The following REPS1 variants were observed in gnomAD, a reference collection of about 807,000 sequenced individuals.
The protein encoded by REPS1 is ralBP1-associated Eps domain-containing protein 1.
A neutral mutation model predicts 100.9 loss-of-function variants in REPS1; 39 were observed. That is an observed-to-expected ratio of 0.39 (90% CI 0.30 to 0.50). The LOEUF (loss-of-function observed/expected upper bound fraction) is 0.50. REPS1 is among the 20% of genes least tolerant of loss of function. REPS1 has a pLI of 0.86. For missense variants in REPS1, 821 were observed against 968.5 expected, an observed-to-expected ratio of 0.85 and a Z score of 2.02; for synonymous variants, 324 against 340.3, an observed-to-expected ratio of 0.95 and a Z score of 0.53.
chr6:138,977,871 T>G (rs1435024673), intron 1 of REPS1, among the ~76,000 whole-genome samples: 2 of 152,232 alleles, frequency 1.3e-5, no homozygotes, highest in South Asian at 4.1e-4. Flanking sequence ...AAGAAGTGCC[T>G]AAGGGTTCCA....
In REPS1 at chr6:138,945,142, G is replaced by A. The variant is rs1782523733; in HGVS notation, c.628+77C>T. The A allele has an allele frequency of 3.9e-6, 5 of 1,292,182 alleles. No individual in the cohort carries two copies. In the East Asian group the frequency reaches 1.3e-4, roughly 34 times the overall value. 80.0% of individuals were successfully genotyped at this position (1,292,182 alleles called of 1,614,324 possible). A position where few individuals can be genotyped will look rare whatever the true frequency, so the allele number is the denominator to read the frequency against. The stretch of plus-strand genomic sequence containing the variant: ...CCACCTACTCAGGAGGCTGAGGCAG[G>A]AGGATCATTTGAACCCAGGAGTGCA... On this transcript the variant is annotated intron_variant, in intron 4 of 19. Coordinates refer to ENST00000450536, the MANE Select transcript of REPS1 (RefSeq NM_001286611.2).
chr6:138,977,953 G>A (rs866241007), intron 1 of REPS1, among the ~76,000 whole-genome samples: 3 of 152,316 alleles, frequency 2.0e-5, no homozygotes, highest in Non-Finnish European at 4.4e-5. Flanking sequence ...GTGTGTGATA[G>A]TATATCACTG....
At chr6:138,908,613 T>C in intron 18 of REPS1, 55 bp downstream of exon 18, 1 of 1,594,676 alleles carries the variant, frequency 6.3e-7, no homozygotes, top group Non-Finnish European at 8.6e-7. Flanking sequence ...TTACTTTTAA[T>C]TGTCGTGCTT....
intron 10 of REPS1, 25 bp from the exon 11 acceptor site, chr6:138,921,149 A>T: frequency 6.9e-7 from 1 of 1,456,600 alleles, no homozygotes; most frequent in Non-Finnish European, 9.5e-7. Flanking sequence ...GAGGAAATAA[A>T]GAATTTGTAT....
In REPS1 at chr6:138,987,784, T is replaced by A. The variant is rs771595594; in HGVS notation, c.-102A>T. The stretch of plus-strand genomic sequence containing the variant: ...GGCTGCGCGTGGCCCGGCCTCCTGC[T>A]AGCTTCCCGAAAACGCCGGCCCCGG... On this transcript the variant is annotated 5_prime_UTR_variant, in exon 1 of 20. Transcript: ENST00000450536. 126 of 1,330,486 alleles carry A rather than the reference T, an allele frequency of 9.5e-5. 1 individual carries two copies. The highest frequency in any genetic ancestry group is 1.1e-4 in the Non-Finnish European group (116 of 1,029,842). 82.4% of individuals were successfully genotyped at this position (1,330,486 alleles called of 1,614,324 possible). A position where few individuals can be genotyped will look rare whatever the true frequency, so the allele number is the denominator to read the frequency against.
chr6:138,935,748 G>T (rs888135772), intron 8 of REPS1, among the ~76,000 whole-genome samples: 15 of 151,202 alleles, frequency 9.9e-5, no homozygotes, highest in African/African-American at 3.7e-4. Flanking sequence ...CAGCTACTCG[G>T]GAGGCTGAGG....
chr6:138,907,340 G>GTGTGTGTGTGT (rs1562506396), intron 19 of REPS1, 155 bp downstream of exon 19: 2,157 of 488,932 alleles, frequency 4.4e-3, no homozygotes, highest in Admixed American at 6.0e-3. Context: ...GTGTGTGTGT[G>GTGTGTGTGTGT]GCGGGGAGGG....
chr6:138,925,357 G>T (rs1781039548), intron 10 of REPS1, among the ~76,000 whole-genome samples: 1 of 151,966 alleles, frequency 6.6e-6, no homozygotes. Context: ...AAAGAGAGAG[G>T]CTCCAACTCA....
At chr6:138,978,825 A>G (rs928667362) in intron 1 of REPS1, among the ~76,000 whole-genome samples, 1 of 152,158 alleles carries the variant, frequency 6.6e-6, no homozygotes, top group East Asian at 1.9e-4. Context: ...TCTATATTCC[A>G]CCCACTAAAT....
intron 10 of REPS1, among the ~76,000 whole-genome samples, chr6:138,922,006 A>T (rs1002449782): frequency 1.6e-4 from 19 of 115,820 alleles, no homozygotes; most frequent in Middle Eastern, 4.2e-3. Flanking sequence ...TGTGTGTGTG[A>T]GATTTACATT....
At position 138,986,731 on chromosome 6, in the gene REPS1, C is replaced by A. The variant is rs577840105; in HGVS notation, c.153+799G>T. 2.6e-5 allele frequency among the ~76,000 whole-genome samples: 4 copies of A among 152,198 alleles called. No homozygotes were observed. In the South Asian group the frequency reaches 8.3e-4, roughly 32 times the overall value. Reference sequence around the variant, plus strand: ...TTAAACAGAGTAGCATTAATGCTCACCACATACATTAGATAAGAACTTCTA... The same window carrying A: ...TTAAACAGAGTAGCATTAATGCTCAACACATACATTAGATAAGAACTTCTA... On this transcript the variant is annotated intron_variant, in intron 1 of 19. Transcript: ENST00000450536.
chr6:138,926,731 A>C, intron 9 of REPS1: 1 of 367,738 alleles, frequency 2.7e-6, no homozygotes, highest in Non-Finnish European at 5.0e-6. Context: ...AGAGATTTAA[A>C]GCCTTACAGA....
chr6:138,972,233 CG>C (rs2128503035), intron 1 of REPS1, among the ~76,000 whole-genome samples: 1 of 151,710 alleles, frequency 6.6e-6, no homozygotes, highest in Admixed American at 6.6e-5. Flanking sequence ...AAAAGGGGGG[CG>C]GAATAAGCAC....
intron 1 of REPS1, among the ~76,000 whole-genome samples, chr6:138,970,682 G>A (rs1784296500): frequency 6.6e-6 from 1 of 152,196 alleles, no homozygotes; most frequent in African/African-American, 2.4e-5. Flanking sequence ...TACTCGGGAG[G>A]CTGAGGTGGG....
intron 16 of REPS1, 176 bp downstream of exon 16, chr6:138,912,589 C>T: frequency 1.6e-6 from 1 of 636,894 alleles, no homozygotes; most frequent in African/African-American, 1.9e-5. Flanking sequence ...GACTCTGATA[C>T]TTAGTAAGCA....
chr6:138,940,485 G>A (rs967328531), intron 8 of REPS1, among the ~76,000 whole-genome samples: 2 of 152,006 alleles, frequency 1.3e-5, no homozygotes, highest in Non-Finnish European at 1.5e-5. Flanking sequence ...GGTGGCTCAC[G>A]CCTGTAATCC....
intron 1 of REPS1, among the ~76,000 whole-genome samples, chr6:138,968,960 C>A (rs192630629): frequency 6.6e-6 from 1 of 152,186 alleles, no homozygotes; most frequent in African/African-American, 2.4e-5. Flanking sequence ...ACACATCTCA[C>A]TCTTTGGGGA....
At chr6:138,935,813 C>A (rs377712521) in intron 8 of REPS1, among the ~76,000 whole-genome samples, 2 of 131,562 alleles carry the variant, frequency 1.5e-5, no homozygotes, top group East Asian at 2.2e-4. Context: ...AAGATCACAC[C>A]GCAGCACTCC....
intron 7 of REPS1, among the ~76,000 whole-genome samples, chr6:138,941,942 G>A (rs1318668111): frequency 6.6e-6 from 1 of 152,046 alleles, no homozygotes; most frequent in Non-Finnish European, 1.5e-5. Flanking sequence ...GCAGTGGCAC[G>A]ATCTCGGCCC....
Sources: allele counts gnomAD v4.1 joint callset (sites outside exome capture counted in the v4.1 genomes callset), GRCh38; gene constraint gnomAD v4.1.1; transcripts MANE v1.5; gene names NCBI Gene and HGNC (gene_info 2026-07-23, HGNC 2026-07-21).